The following LTBP1 variants were observed in gnomAD, a reference collection of about 807,000 sequenced individuals.
The protein encoded by LTBP1 is latent transforming growth factor beta binding protein 1.
Under a neutral mutation model 207.6 loss-of-function variants are expected in LTBP1, and 129 were observed. That is an observed-to-expected ratio of 0.62 (90% CI 0.54 to 0.72). LTBP1 has a LOEUF of 0.72. Among genes scored for constraint, LTBP1 ranks in the 30% least tolerant of loss-of-function variants. The pLI is 0.00. For synonymous variants in LTBP1, 963 were observed against 833.7 expected, an observed-to-expected ratio of 1.16 and a Z score of -2.67; for missense variants, 2,281 against 2,217.2, an observed-to-expected ratio of 1.03 and a Z score of -0.58.
rs1004382771 is a variant in LTBP1, at chr2:33,171,801, C to T, written c.1202-15055C>T. Among the ~76,000 whole-genome samples the T allele has an allele frequency of 8.3e-4, 126 of 152,142 alleles. 2 individuals are homozygous for T. The Middle Eastern group carries it at 0.01, about 12-fold the overall frequency. The stretch of plus-strand genomic sequence containing the variant: ...AAAGGGAAGCCCATCAGACTAACAG[C>T]GGATCTCTCGGCAGAAACTCTACAA... On this transcript the variant is annotated intron_variant, in intron 5 of 33. Coordinates refer to ENST00000404816, the MANE Select transcript of LTBP1 (RefSeq NM_206943.4).
chr2:33,362,604 A>C (rs1369285872), intron 28 of LTBP1, among the ~76,000 whole-genome samples: 1 of 152,154 alleles, frequency 6.6e-6, no homozygotes, highest in Non-Finnish European at 1.5e-5. Flanking sequence ...AACCAGCCAT[A>C]TGTTCTAGGC....
chr2:33,148,141 C>T (rs80083024), intron 5 of LTBP1, among the ~76,000 whole-genome samples: 3 of 152,126 alleles, frequency 2.0e-5, no homozygotes, highest in Non-Finnish European at 2.9e-5. Context: ...ACAGATATTT[C>T]GTTGTCTTTC....
intron 32 of LTBP1, among the ~76,000 whole-genome samples, chr2:33,390,238 G>A (rs1056567759): frequency 1.3e-5 from 2 of 152,142 alleles, no homozygotes; most frequent in Non-Finnish European, 2.9e-5. Flanking sequence ...CATGGGGGAG[G>A]TGGGAGTGTG....
intron 22 of LTBP1, among the ~76,000 whole-genome samples, chr2:33,302,011 A>G (rs903407671): frequency 6.6e-6 from 1 of 152,232 alleles, no homozygotes; most frequent in Non-Finnish European, 1.5e-5. Flanking sequence ...TTTCCAGGCA[A>G]TTAGAAGGTT....
At chr2:32,954,864 C>T (rs1677819242) in intron 2 of LTBP1, among the ~76,000 whole-genome samples, 1 of 152,118 alleles carries the variant, frequency 6.6e-6, no homozygotes, top group South Asian at 2.1e-4. Context: ...GGTTACTTTT[C>T]TACTGCAGCA....
intron 5 of LTBP1, among the ~76,000 whole-genome samples, chr2:33,180,983 C>A (rs58786532): frequency 0.44 from 66,428 of 149,376 alleles, 15,159 homozygotes; most frequent in Non-Finnish European, 0.5. Flanking sequence ...AAAGTCAAAT[C>A]AAAATCATGT....
At chr2:33,365,626 C>CGTGTGTGT (rs144867482) in intron 31 of LTBP1, 123 bp downstream of exon 31, 18,447 of 711,282 alleles carry the variant, frequency 0.026, 440 homozygotes, top group East Asian at 0.18. Flanking sequence ...ACTTTCATCC[C>CGTGTGTGT]GTGTGTGTGT....
intron 10 of LTBP1, among the ~76,000 whole-genome samples, chr2:33,249,323 T>TCACACACACACACACA (rs61249844): frequency 7.3e-4 from 103 of 141,420 alleles, no homozygotes; most frequent in Middle Eastern, 3.5e-3. Context: ...GTCTGATTTT[T>TCACACACACACACACA]CACACACACA....
intron 3 of LTBP1, among the ~76,000 whole-genome samples, chr2:33,100,420 G>A (rs1016393046): frequency 3.3e-5 from 5 of 151,982 alleles, no homozygotes; most frequent in Non-Finnish European, 4.4e-5. Context: ...TGAAGGATGG[G>A]GGCAGGGGGG....
At chr2:32,969,322 G>C (rs191010218) in intron 2 of LTBP1, among the ~76,000 whole-genome samples, 1 of 131,164 alleles carries the variant, frequency 7.6e-6, no homozygotes, top group Non-Finnish European at 1.7e-5. Context: ...GTGCAGGTTT[G>C]TTATATAGGT....
intron 19 of LTBP1, among the ~76,000 whole-genome samples, chr2:33,284,077 A>T (rs2093616726): frequency 6.6e-6 from 1 of 152,202 alleles, no homozygotes; most frequent in South Asian, 2.1e-4. Flanking sequence ...ATTTTATACC[A>T]GTTACACTTT....
chr2:33,032,202 G>C (rs978091676), intron 3 of LTBP1, among the ~76,000 whole-genome samples: 2 of 152,114 alleles, frequency 1.3e-5, no homozygotes, highest in Admixed American at 1.3e-4. Flanking sequence ...ATCATTGAAG[G>C]CTTCCTGTTC....
chr2:33,347,117 C>CAAAAA lies in LTBP1; in HGVS notation c.3857-230_3857-226dup, dbSNP rs775058448. Among the ~76,000 whole-genome samples the CAAAAA allele has an allele frequency of 3.9e-3, 205 of 51,946 alleles. 4 individuals are homozygous for CAAAAA. The highest frequency in any genetic ancestry group is 0.014 in the African/African-American group (191 of 13,848). The allele number at this position is 51,946 out of a possible 152,430, so 34.1% of individuals were successfully genotyped here. On this transcript the variant is annotated intron_variant, in intron 25 of 33. Coordinates refer to ENST00000404816, the MANE Select transcript of LTBP1 (RefSeq NM_206943.4). ...TGGGCGACAGAGCGAGACTCCGTCT[C>CAAAAA]AAAAAAAAAAAAAAAAAAAAAAAAC...
At chr2:33,008,318 ACT>A (rs1471086646) in intron 2 of LTBP1, among the ~76,000 whole-genome samples, 1 of 152,218 alleles carries the variant, frequency 6.6e-6, no homozygotes, top group Non-Finnish European at 1.5e-5. Flanking sequence ...AGTGAATAGT[ACT>A]CTGTCTCACA....
chr2:33,293,209 C>T lies in LTBP1; in HGVS notation c.3162C>T (p.Ser1054=), dbSNP rs556172022. The T allele has an allele frequency of 1.2e-5, 20 of 1,614,038 alleles. No homozygotes were observed. The highest frequency in any genetic ancestry group is 1.6e-4 in the Middle Eastern group (1 of 6,062). Residue 1054 remains serine, a synonymous_variant, in exon 20 of 34, where the codon TCC becomes TCT. Transcript: ENST00000404816. ...EPNVCANGDC[S]NLEGSYMCSC... The stretch of plus-strand genomic sequence containing the variant: ...ACGTCTGCGCAAATGGTGATTGTTC[C>T]AACCTTGAAGGCTCCTACATGTGTT...
At chr2:33,101,696 T>G (rs2079751039) in intron 3 of LTBP1, among the ~76,000 whole-genome samples, 1 of 152,206 alleles carries the variant, frequency 6.6e-6, no homozygotes. Context: ...ATTAGTTAGG[T>G]TTTCTCTGGC....
chr2:33,132,125 A>C (rs1288004601), intron 4 of LTBP1, among the ~76,000 whole-genome samples: 1 of 152,208 alleles, frequency 6.6e-6, no homozygotes, highest in Non-Finnish European at 1.5e-5. Flanking sequence ...AAAAAGGAGG[A>C]GTTTATATTC....
intron 5 of LTBP1, among the ~76,000 whole-genome samples, chr2:33,173,029 C>G (rs566373552): frequency 2.0e-5 from 3 of 152,026 alleles, no homozygotes; most frequent in African/African-American, 7.2e-5. Flanking sequence ...ATTTATAGCA[C>G]TAAATGTCCA....
intron 2 of LTBP1, among the ~76,000 whole-genome samples, chr2:32,966,938 T>C (rs1680099233): frequency 6.6e-6 from 1 of 152,136 alleles, no homozygotes; most frequent in Non-Finnish European, 1.5e-5. Flanking sequence ...AGAGAGATTT[T>C]AGAGAATTAG....
Sources: allele counts gnomAD v4.1 joint callset (sites outside exome capture counted in the v4.1 genomes callset), GRCh38; gene constraint gnomAD v4.1.1; transcripts MANE v1.5; gene names NCBI Gene and HGNC (gene_info 2026-07-23, HGNC 2026-07-21).